The following NCAM1 variants were observed in gnomAD, a reference collection of about 807,000 sequenced individuals.
NCAM1 encodes the protein neural cell adhesion molecule 1.
In NCAM1, 14 loss-of-function variants were observed where a neutral mutation model predicts 109.8. The ratio of observed to expected loss-of-function variants is 0.13; its 90% confidence interval spans 0.08 to 0.20. The LOEUF (loss-of-function observed/expected upper bound fraction) is 0.20, where lower values mean the gene tolerates loss of function less well. Ranked by LOEUF, NCAM1 falls within the 10% of genes least tolerant of loss-of-function variation. The pLI is 1.00. For synonymous variants in NCAM1, 418 were observed against 442.9 expected, an observed-to-expected ratio of 0.94 and a Z score of 0.70; for missense variants, 774 against 1,109.9, an observed-to-expected ratio of 0.70 and a Z score of 4.30.
intron 1 of NCAM1, among the ~76,000 whole-genome samples, chr11:113,120,797 G>A (rs1210245977): frequency 1.3e-5 from 2 of 152,208 alleles, no homozygotes; most frequent in Non-Finnish European, 2.9e-5. Context: ...ATGCCAGAGG[G>A]TTGATACTTA....
At chr11:113,146,070 A>C (rs568966304) in intron 1 of NCAM1, among the ~76,000 whole-genome samples, 1 of 152,340 alleles carries the variant, frequency 6.6e-6, no homozygotes, top group East Asian at 1.9e-4. Context: ...ATAGGTTATT[A>C]GTTTTATAGC....
intron 1 of NCAM1, among the ~76,000 whole-genome samples, chr11:112,988,502 T>C (rs1223021780): frequency 6.6e-6 from 1 of 152,202 alleles, no homozygotes. Context: ...TTTTTATTTG[T>C]CTGGGAATGT....
chr11:112,985,659 T>G (rs960893369), intron 1 of NCAM1, among the ~76,000 whole-genome samples: 18 of 151,986 alleles, frequency 1.2e-4, no homozygotes, highest in African/African-American at 4.3e-4. Context: ...TATTTTATAA[T>G]TTTTGATGCT....
chr11:113,112,430 GT>G (rs1475462819), intron 1 of NCAM1, among the ~76,000 whole-genome samples: 11 of 152,104 alleles, frequency 7.2e-5, no homozygotes, highest in Admixed American at 5.2e-4. Context: ...TATTACCTCT[GT>G]TTCAAAAATG....
intron 14 of NCAM1, among the ~76,000 whole-genome samples, chr11:113,243,972 A>G (rs781952668): frequency 6.6e-6 from 1 of 151,998 alleles, no homozygotes; most frequent in African/African-American, 2.4e-5. Flanking sequence ...ATGAATTTTA[A>G]TTCCTGATGC....
chr11:113,122,276 A>G (rs904575304), intron 1 of NCAM1, among the ~76,000 whole-genome samples: 5 of 152,196 alleles, frequency 3.3e-5, no homozygotes, highest in African/African-American at 1.2e-4. Flanking sequence ...ACCCAGTAGA[A>G]GTTCAGTAGT....
chr11:113,029,647 G>T (rs1389112122), intron 1 of NCAM1, among the ~76,000 whole-genome samples: 1 of 152,166 alleles, frequency 6.6e-6, no homozygotes, highest in Non-Finnish European at 1.5e-5. Flanking sequence ...TAAATAAAGT[G>T]TTTAGAGATG....
intron 1 of NCAM1, among the ~76,000 whole-genome samples, chr11:113,037,041 T>G (rs949577739): frequency 9.2e-5 from 14 of 152,316 alleles, no homozygotes; most frequent in African/African-American, 3.1e-4. Context: ...ACTTCCAAAC[T>G]TATCTTTAGC....
At chr11:113,072,935 A>G (rs1200945917) in intron 1 of NCAM1, among the ~76,000 whole-genome samples, 1 of 151,946 alleles carries the variant, frequency 6.6e-6, no homozygotes, top group Non-Finnish European at 1.5e-5. Flanking sequence ...AGTGTTGTAC[A>G]ACTCCCATCA....
At chr11:113,251,699 C>A (rs1945685034) in intron 15 of NCAM1, among the ~76,000 whole-genome samples, 2 of 152,166 alleles carry the variant, frequency 1.3e-5, no homozygotes, top group African/African-American at 4.8e-5. Context: ...CTGGGAGCAA[C>A]CTGCCGATTG....
At chr11:113,029,294 G>A (rs1220036462) in intron 1 of NCAM1, among the ~76,000 whole-genome samples, 2 of 152,210 alleles carry the variant, frequency 1.3e-5, no homozygotes, top group African/African-American at 4.8e-5. Context: ...TCTACAGATA[G>A]TGGTGAAATA....
At chr11:112,964,519 A>T (rs532974762) in intron 1 of NCAM1, among the ~76,000 whole-genome samples, 2 of 152,354 alleles carry the variant, frequency 1.3e-5, no homozygotes, top group East Asian at 3.9e-4. Flanking sequence ...ACAAGATACC[A>T]TCGGTTAAGA....
intron 1 of NCAM1, among the ~76,000 whole-genome samples, chr11:113,152,293 A>T (rs1009440452): frequency 1.2e-4 from 19 of 152,152 alleles, no homozygotes; most frequent in Admixed American, 7.9e-4. Context: ...CTTGCTGTGG[A>T]TGGGCTGTGT....
At chr11:113,129,353 C>T (rs937779188) in intron 1 of NCAM1, among the ~76,000 whole-genome samples, 10 of 152,176 alleles carry the variant, frequency 6.6e-5, no homozygotes, top group African/African-American at 2.4e-4. Context: ...ACATAATTTT[C>T]TGTGCATGCG....
chr11:113,029,105 G>A (rs186108136), intron 1 of NCAM1, among the ~76,000 whole-genome samples: 277 of 152,246 alleles, frequency 1.8e-3, no homozygotes, highest in South Asian at 8.3e-3. Flanking sequence ...AATAAAACTT[G>A]GGCAGTAATG....
At chr11:113,113,797 A>G (rs572630669) in intron 1 of NCAM1, among the ~76,000 whole-genome samples, 25 of 152,254 alleles carry the variant, frequency 1.6e-4, no homozygotes, top group South Asian at 8.3e-4. Context: ...TGTGTCTTAG[A>G]TAGATATTCT....
chr11:113,136,872 TGGA>T (rs1302821599), intron 1 of NCAM1, among the ~76,000 whole-genome samples: 1 of 151,978 alleles, frequency 6.6e-6, no homozygotes, highest in East Asian at 1.9e-4. Context: ...AGGAGCTGAA[TGGA>T]GTGGAATGGC....
intron 1 of NCAM1, among the ~76,000 whole-genome samples, chr11:113,002,055 T>G (rs886739240): frequency 2.6e-5 from 4 of 152,162 alleles, no homozygotes; most frequent in Non-Finnish European, 5.9e-5. Flanking sequence ...TGACTCTGGT[T>G]AGTTCGGTTT....
intron 1 of NCAM1, among the ~76,000 whole-genome samples, chr11:113,191,132 C>G (rs1348448708): frequency 1.3e-5 from 2 of 152,228 alleles, no homozygotes; most frequent in Non-Finnish European, 2.9e-5. Flanking sequence ...CCCCCGACCC[C>G]ATCCCTGTTG....
Sources: allele counts gnomAD v4.1 joint callset (sites outside exome capture counted in the v4.1 genomes callset), GRCh38; gene constraint gnomAD v4.1.1; transcripts MANE v1.5; gene names NCBI Gene and HGNC (gene_info 2026-07-23, HGNC 2026-07-21).